Variants in SHC3 observed in about 807,000 individuals in gnomAD.
SHC3 encodes the protein SHC-transforming protein 3.
In SHC3, 15 loss-of-function variants were observed where a neutral mutation model predicts 60.4. The ratio of observed to expected loss-of-function variants is 0.25; its 90% CI spans 0.17 to 0.38. The LOEUF (loss-of-function observed/expected upper bound fraction) is 0.38, where lower values mean the gene tolerates loss of function less well. Ranked by LOEUF, SHC3 falls within the 10% of genes least tolerant of loss-of-function variation. The pLI, the probability that SHC3 is intolerant of heterozygous loss-of-function variation, is 1.00. For synonymous variants in SHC3, 294 were observed against 325.9 expected (o/e 0.90, Z 1.05); for missense variants, 677 against 786.1 (o/e 0.86, Z 1.66).
chr9:89,145,013 AT>A (rs1174044201), intron 1 of SHC3, among the ~76,000 whole-genome samples: 6 of 151,966 alleles, frequency 3.9e-5, no homozygotes, highest in South Asian at 2.1e-4. Context: ...GATGGAGAGA[AT>A]TTTTTTTTCC....
intron 11 of SHC3, chr9:89,037,624 G>A (rs1824603903): frequency 8.8e-6 from 6 of 681,698 alleles, no homozygotes; most frequent in African/African-American, 3.6e-5. Context: ...TCAACTTTTC[G>A]AGATAAGCAT....
At chr9:89,058,602 T>C (rs1391108979) in intron 6 of SHC3, among the ~76,000 whole-genome samples, 4 of 129,696 alleles carry the variant, frequency 3.1e-5, no homozygotes, top group African/African-American at 1.2e-4. Flanking sequence ...ATGGTGGTGT[T>C]AGGACGTGGT....
At chr9:89,072,046 A>T (rs924963075) in intron 4 of SHC3, among the ~76,000 whole-genome samples, 1 of 152,170 alleles carries the variant, frequency 6.6e-6, no homozygotes, top group Non-Finnish European at 1.5e-5. Flanking sequence ...TGGAATGTTT[A>T]ATCTGTAACA....
At chr9:89,128,941 G>A (rs935423778) in intron 1 of SHC3, among the ~76,000 whole-genome samples, 9 of 151,918 alleles carry the variant, frequency 5.9e-5, no homozygotes, top group Admixed American at 5.9e-4. Context: ...CAGACGATCA[G>A]TAACAACAAA....
intron 1 of SHC3, among the ~76,000 whole-genome samples, chr9:89,152,034 G>A (rs888056895): frequency 4.6e-5 from 7 of 152,220 alleles, no homozygotes; most frequent in Admixed American, 1.3e-4. Context: ...TCTCTTTCTA[G>A]GATTATATTG....
At chr9:89,105,900 A>C (rs78864616) in intron 2 of SHC3, among the ~76,000 whole-genome samples, 2,107 of 152,340 alleles carry the variant, frequency 0.014, 20 homozygotes, top group Middle Eastern at 0.037. Flanking sequence ...AGATATTAAT[A>C]ATAACAATAC....
intron 3 of SHC3, among the ~76,000 whole-genome samples, chr9:89,077,179 A>C (rs1825372318): frequency 6.7e-6 from 1 of 150,328 alleles, no homozygotes; most frequent in African/African-American, 2.5e-5. Context: ...TCTGTCTCAA[A>C]AAAACAAAAA....
intron 1 of SHC3, among the ~76,000 whole-genome samples, chr9:89,122,040 A>C (rs1402102463): frequency 6.6e-6 from 1 of 152,166 alleles, no homozygotes; most frequent in Non-Finnish European, 1.5e-5. Flanking sequence ...CTCCATGGTG[A>C]TGCTCTTGAA....
chr9:89,037,122 G>A (rs1165643058), intron 11 of SHC3, among the ~76,000 whole-genome samples: 2 of 152,168 alleles, frequency 1.3e-5, no homozygotes, highest in East Asian at 3.8e-4. Flanking sequence ...AGTGCCAGGA[G>A]CTGGGGTATT....
chr9:89,159,390 A>G (rs1826671872), intron 1 of SHC3, among the ~76,000 whole-genome samples: 1 of 152,152 alleles, frequency 6.6e-6, no homozygotes, highest in Non-Finnish European at 1.5e-5. Context: ...ACAACTGTTG[A>G]GGAAGTGAGA....
chr9:89,123,454 G>A (rs937530755), intron 1 of SHC3, among the ~76,000 whole-genome samples: 1 of 152,060 alleles, frequency 6.6e-6, no homozygotes, highest in Non-Finnish European at 1.5e-5. Context: ...AAGAGGGAAG[G>A]GGAGGCAGTG....
At chr9:89,015,946 G>A (rs1030805811) in intron 11 of SHC3, among the ~76,000 whole-genome samples, 7 of 152,076 alleles carry the variant, frequency 4.6e-5, no homozygotes, top group Non-Finnish European at 8.8e-5. Context: ...TCCACCTTAG[G>A]AAACTAGAAA....
chr9:89,071,938 G>A (rs1017663345), intron 4 of SHC3, among the ~76,000 whole-genome samples: 1 of 152,172 alleles, frequency 6.6e-6, no homozygotes, highest in Non-Finnish European at 1.5e-5. Flanking sequence ...GATCAAGCCA[G>A]GACACTCTCT....
At chr9:89,124,829 A>T (rs2118149765) in intron 1 of SHC3, among the ~76,000 whole-genome samples, 1 of 152,190 alleles carries the variant, frequency 6.6e-6, no homozygotes, top group East Asian at 1.9e-4. Flanking sequence ...CATTCAGCAC[A>T]TGTATCCCAG....
chr9:89,164,269 G>A (rs962096246), intron 1 of SHC3, among the ~76,000 whole-genome samples: 4 of 152,156 alleles, frequency 2.6e-5, no homozygotes, highest in African/African-American at 9.7e-5. Flanking sequence ...AGGCTACAGA[G>A]CTCTGGAGAC....
rs2118657527 is a variant in SHC3 at position 89,026,967 on chromosome 9, T to G, written c.1656+11026A>C. ...AGTTCCGAGCTACTGAGAAGCCCCT[T>G]GTCATCTCCAAGGTTGCCCAAGAGT... On this transcript the variant is annotated intron_variant, in intron 11 of 11. Coordinates refer to ENST00000375835, the MANE Select transcript of SHC3 (RefSeq NM_016848.6). 2.6e-5 allele frequency among the ~76,000 whole-genome samples: 4 copies of G among 152,310 alleles called. 1 individual carries two copies. In the Middle Eastern group the frequency reaches 0.014, roughly 518 times the overall value.
intron 11 of SHC3, among the ~76,000 whole-genome samples, chr9:89,019,626 T>C (rs575755877): frequency 6.6e-6 from 1 of 152,264 alleles, no homozygotes; most frequent in Admixed American, 6.5e-5. Context: ...ACACGTGGAA[T>C]TTAAAATTTA....
At chr9:89,047,326 A>G (rs1215242452) in intron 7 of SHC3, among the ~76,000 whole-genome samples, 5 of 152,244 alleles carry the variant, frequency 3.3e-5, no homozygotes, top group Non-Finnish European at 5.9e-5. Flanking sequence ...TTGATCCCAA[A>G]CAAAACCAAC....
intron 7 of SHC3, among the ~76,000 whole-genome samples, chr9:89,049,443 C>G (rs1020944160): frequency 5.3e-5 from 8 of 152,098 alleles, no homozygotes; most frequent in African/African-American, 1.9e-4. Context: ...TGTACACTGC[C>G]AGAGAAGTAT....
Sources: gnomAD v4.1 joint callset for allele counts (sites outside exome capture counted in the v4.1 genomes callset) on GRCh38, gnomAD v4.1.1 for gene constraint, MANE v1.5 for transcripts, NCBI Gene and HGNC (gene_info 2026-07-23, HGNC 2026-07-21) for gene names.